DIP2C: variants seen among roughly 807,000 people sequenced by gnomAD.
DIP2C encodes the protein disco-interacting protein 2 homolog C.
A neutral mutation model predicts 192.4 loss-of-function variants in DIP2C; 33 were observed. The observed-to-expected ratio is 0.17, with a 90% CI of 0.13 to 0.23. DIP2C has a LOEUF of 0.23. Ranked by LOEUF, DIP2C falls within the 10% of genes least tolerant of loss-of-function variation. The pLI, the probability that DIP2C is intolerant of heterozygous loss-of-function variation, is 1.00. For missense variants in DIP2C, 1,537 were observed against 2,110.1 expected (o/e 0.73, Z 5.32); for synonymous variants, 979 against 864.1 (o/e 1.13, Z -2.33).
At chr10:339,323 T>G (rs1415089656) in intron 29 of DIP2C, among the ~76,000 whole-genome samples, 3 of 152,210 alleles carry the variant, frequency 2.0e-5, no homozygotes, top group African/African-American at 7.2e-5. Context: ...CTATATTTAT[T>G]TTGACTGTTG....
At chr10:341,354 A>T in intron 28 of DIP2C, 25 bp from the exon 29 acceptor site, 8 of 1,612,366 alleles carry the variant, frequency 5.0e-6, no homozygotes, top group Non-Finnish European at 6.8e-6. Context: ...GCTGTGTTAA[A>T]CGCATCGGAC....
intron 1 of DIP2C, among the ~76,000 whole-genome samples, chr10:578,224 T>G (rs979344820): frequency 6.6e-6 from 1 of 152,244 alleles, no homozygotes; most frequent in African/African-American, 2.4e-5. Flanking sequence ...ACAAAGAAGA[T>G]ACTGCATTTG....
At chr10:309,803 A>C (rs1173914831) in intron 32 of DIP2C, among the ~76,000 whole-genome samples, 1 of 152,030 alleles carries the variant, frequency 6.6e-6, no homozygotes, top group Non-Finnish European at 1.5e-5. Context: ...CGCCTACCTC[A>C]GCCTCCCAAA....
intron 29 of DIP2C, among the ~76,000 whole-genome samples, chr10:334,538 G>T (rs1195989647): frequency 6.6e-6 from 1 of 151,988 alleles, no homozygotes; most frequent in East Asian, 1.9e-4. Context: ...TTACTCCTGT[G>T]TTTTCTAAAA....
At chr10:607,861 A>C (rs991965386) in intron 1 of DIP2C, among the ~76,000 whole-genome samples, 1 of 152,020 alleles carries the variant, frequency 6.6e-6, no homozygotes, top group Non-Finnish European at 1.5e-5. Flanking sequence ...AACAAAGCCA[A>C]AGTAGGCCCA....
chr10:566,262 C>T (rs754677458), intron 1 of DIP2C, among the ~76,000 whole-genome samples: 3 of 152,172 alleles, frequency 2.0e-5, no homozygotes, highest in African/African-American at 2.4e-5. Context: ...AAACTGTAAT[C>T]GTAGTTACCA....
At chr10:292,519 T>C (rs1955541692) in intron 32 of DIP2C, among the ~76,000 whole-genome samples, 1 of 152,250 alleles carries the variant, frequency 6.6e-6, no homozygotes, top group African/African-American at 2.4e-5. Context: ...ACTTGCCCTG[T>C]CCTTGAACTG....
At chr10:548,461 A>G in intron 1 of DIP2C, among the ~76,000 whole-genome samples, 1 of 125,430 alleles carries the variant, frequency 8.0e-6, no homozygotes, top group African/African-American at 3.1e-5. Flanking sequence ...GGAGGGAGGG[A>G]GGGAGGCAGG....
chr10:568,777 AAAAAAAAAAAAAAAAAAAAAAC>A (rs940255077), intron 1 of DIP2C, among the ~76,000 whole-genome samples: 8 of 141,572 alleles, frequency 5.7e-5, no homozygotes, highest in African/African-American at 1.9e-4. Flanking sequence ...AAAAAAAAAA[AAAAAAAAAAAAAAAAAAAAAAC>A]CTTCACTTGA....
intron 1 of DIP2C, among the ~76,000 whole-genome samples, chr10:534,667 TA>T (rs145022934): frequency 4.5e-4 from 57 of 126,776 alleles, no homozygotes; most frequent in Admixed American, 1.2e-3. Context: ...GCTGGATGAT[TA>T]TTATTTTTTT....
intron 17 of DIP2C, among the ~76,000 whole-genome samples, chr10:379,821 G>A (rs1962160899): frequency 6.6e-6 from 1 of 152,272 alleles, no homozygotes; most frequent in African/African-American, 2.4e-5. Context: ...TTTGATACCA[G>A]GAGCAGGGGC....
chr10:649,912 G>A (rs1031353826), intron 1 of DIP2C: 3 of 581,528 alleles, frequency 5.2e-6, no homozygotes, highest in African/African-American at 1.9e-5. Context: ...CCCGTCACCT[G>A]CGTCCCCGTG....
chr10:342,193 C>T (rs371280994), intron 28 of DIP2C, among the ~76,000 whole-genome samples: 24 of 152,010 alleles, frequency 1.6e-4, no homozygotes, highest in Admixed American at 7.2e-4. Context: ...GAGTCTTGCC[C>T]TGTCGCCCAG....
At chr10:365,602 A>G (rs779439808) in intron 19 of DIP2C, among the ~76,000 whole-genome samples, 1 of 152,238 alleles carries the variant, frequency 6.6e-6, no homozygotes, top group Non-Finnish European at 1.5e-5. Context: ...TTTCTTACAT[A>G]TAACTTAAAT....
intron 1 of DIP2C, among the ~76,000 whole-genome samples, chr10:523,777 A>C (rs991800188): frequency 5.9e-5 from 9 of 152,236 alleles, no homozygotes; most frequent in Middle Eastern, 3.4e-3. Context: ...GCCCGTTTCC[A>C]CCTGACGCAA....
rs140741300 is a variant in DIP2C, at chr10:636,882, C to T, written c.85+52612G>A. Among the ~76,000 whole-genome samples the T allele has an allele frequency of 3.1e-3, 473 of 152,342 alleles. 2 individuals carry two copies. Among genetic ancestry groups the T allele is most frequent in the African/African-American group, 0.01 (427 of 41,582 alleles). ...CGTCATACACTTCTCAGCAGCTTCC[C>T]GGTGAGGCTGCTGGTTCACGAGGGG... On this transcript the variant is annotated intron_variant, in intron 1 of 36. Coordinates refer to ENST00000280886, the MANE Select transcript of DIP2C (RefSeq NM_014974.3). This position sits in a 1 kb window ranked among gnomAD's most constrained non-coding sequence, Gnocchi z 4.6.
chr10:648,202 A>T (rs547557327), intron 1 of DIP2C, among the ~76,000 whole-genome samples: 1 of 150,584 alleles, frequency 6.6e-6, no homozygotes, highest in African/African-American at 2.5e-5. Context: ...CCACGTCCAC[A>T]TTGGACAGTG....
intron 2 of DIP2C, among the ~76,000 whole-genome samples, chr10:485,451 C>A (rs1284816678): frequency 6.6e-6 from 1 of 152,230 alleles, no homozygotes; most frequent in East Asian, 1.9e-4. Context: ...CTGACTTAAG[C>A]CTCTGCTAAG....
intron 5 of DIP2C, among the ~76,000 whole-genome samples, chr10:422,370 T>A (rs7096386): frequency 1.3e-5 from 2 of 152,122 alleles, no homozygotes; most frequent in African/African-American, 4.8e-5. Context: ...TCATACAGAG[T>A]ATCTCCCTGT....
Sources: allele counts gnomAD v4.1 joint callset (sites outside exome capture counted in the v4.1 genomes callset), GRCh38; gene constraint gnomAD v4.1.1; non-coding constraint Gnocchi (gnomAD v3.1); transcripts MANE v1.5; gene names NCBI Gene and HGNC (gene_info 2026-07-23, HGNC 2026-07-21).